RING1: variants seen among roughly 807,000 people sequenced by gnomAD.
RING1 encodes E3 ubiquitin-protein ligase RING1.
A neutral mutation model predicts 35.0 loss-of-function variants in RING1; 8 were observed. That is an observed-to-expected ratio of 0.23 (90% confidence interval 0.13 to 0.41). The LOEUF (loss-of-function observed/expected upper bound fraction) is 0.41. Among genes scored for constraint, RING1 ranks in the 10% least tolerant of loss-of-function variants. The pLI is 1.00. For missense variants in RING1, 343 were observed against 546.8 expected (o/e 0.63, Z 3.72); for synonymous variants, 214 against 224.3 (o/e 0.95, Z 0.41).
In RING1 at chr6:33,210,013, G is replaced by A; in HGVS notation, c.338G>A (p.Ser113Asn). ...FDALISKIYP[S>N]REEYEAHQDR... ...GCCCTGATCTCTAAGATCTATCCTA[G>A]CCGGGAGGAATACGAGGCCCATCAA... Residue 113 changes from serine (S) to asparagine (N), a missense_variant, in exon 4 of 7, where the codon AGC becomes AAC. Physicochemically the swap from Ser to Asn is conservative, Grantham distance 46. This residue lies in a region of RING1 where 65 missense variants were observed against 163.3 expected (regional missense o/e 0.40). Transcript: ENST00000374656. The A allele has an allele frequency of 1.2e-6, 2 of 1,614,210 alleles. No homozygotes were observed. The highest frequency in any genetic ancestry group is 1.7e-6 in the Non-Finnish European group (2 of 1,180,046).
At position 33,211,623 on chromosome 6, in the gene RING1, CA is replaced by C; in HGVS notation, c.845+79del. The C allele has an allele frequency of 6.4e-7, 1 of 1,566,254 alleles. No individual in the cohort carries two copies. Among genetic ancestry groups the C allele is most frequent in the Non-Finnish European group, 8.6e-7 (1 of 1,160,696 alleles). On this transcript the variant is annotated intron_variant, in intron 5 of 6. Transcript: ENST00000374656. This position sits in a 1 kb window ranked among gnomAD's most constrained non-coding sequence, Gnocchi z 6.3. The stretch of plus-strand genomic sequence containing the variant: ...ATTTCCATCAGAAGTGGGCTTTGCC[CA>C]AACCCAAAATACCACCCCAACCCAG...
In RING1 at chr6:33,212,674, C is replaced by T. The variant is rs1775633949; in HGVS notation, c.*275C>T. 2.8e-6 allele frequency: 1 copy of T among 357,980 alleles called. No individual in the cohort carries two copies. Among genetic ancestry groups the T allele is most frequent in the South Asian group, 1.2e-4 (1 of 8,548 alleles). 22.2% of individuals were successfully genotyped at this position (357,980 alleles called of 1,614,324 possible). A position where few individuals can be genotyped will look rare whatever the true frequency, so the allele number is the denominator to read the frequency against. On this transcript the variant is annotated 3_prime_UTR_variant, in exon 7 of 7. Transcript: ENST00000374656. The stretch of plus-strand genomic sequence containing the variant: ...AGAAGGTGAAGAACCCTCCCATTCA[C>T]GCCCGCCTACCAACAACAAACGTGC...
chr6:33,209,094 G>T lies in RING1; in HGVS notation c.78+194G>T. 2 of 705,046 alleles carry T rather than the reference G, an allele frequency of 2.8e-6. No homozygotes were observed. Among genetic ancestry groups the T allele is most frequent in the Non-Finnish European group, 5.2e-6 (2 of 385,750 alleles). The allele number at this position is 705,046 out of a possible 1,614,324, so 43.7% of individuals were successfully genotyped here. ...CTCAAAACAGCCCTGCCAGAGAGGT[G>T]GAACAAGTATTATTATCTTCATTTG... On this transcript the variant is annotated intron_variant, in intron 2 of 6. Transcript: ENST00000374656. The surrounding 1 kb of genome is among the most constrained non-coding windows in gnomAD (Gnocchi z 5.1).
rs1379540048 is a variant in RING1, at chr6:33,211,432, C to G, written c.730C>G (p.Leu244Val). 2 of 1,576,562 alleles carry G rather than the reference C, an allele frequency of 1.3e-6. No homozygotes were observed. Among genetic ancestry groups the G allele is most frequent in the Non-Finnish European group, 1.7e-6 (2 of 1,161,176 alleles). ...DRGGTLGGGT[L>V]GPPSPPGAPS... is the part of the protein sequence containing the mutation. Reference sequence around the variant, plus strand: ...GGGAGGGACTCTGGGAGGGGGAACGCTGGGCCCCCCAAGCCCTCCTGGGGC... The same window carrying G: ...GGGAGGGACTCTGGGAGGGGGAACGGTGGGCCCCCCAAGCCCTCCTGGGGC... Residue 244 changes from leucine (L) to valine (V), a missense_variant, in exon 5 of 7, where the codon CTG becomes GTG. Physicochemically the swap from Leu to Val is conservative, Grantham distance 32. Transcript: ENST00000374656. This position sits in a 1 kb window ranked among gnomAD's most constrained non-coding sequence, Gnocchi z 6.3.
rs1775370530 is a variant in RING1, at chr6:33,209,261, C to T, written c.78+361C>T. 3 of 563,448 alleles carry T rather than the reference C, an allele frequency of 5.3e-6. No homozygotes were observed. The highest frequency in any genetic ancestry group is 9.6e-6 in the Non-Finnish European group (3 of 313,182). 34.9% of individuals were successfully genotyped at this position (563,448 alleles called of 1,614,324 possible). A position where few individuals can be genotyped will look rare whatever the true frequency, so the allele number is the denominator to read the frequency against. On this transcript the variant is annotated intron_variant, in intron 2 of 6. Coordinates refer to ENST00000374656, the MANE Select transcript of RING1 (RefSeq NM_002931.4). The surrounding 1 kb of genome is among the most constrained non-coding windows in gnomAD (Gnocchi z 5.1). ...CTGATTCAGTAGTGAATTGGGTTCT[C>T]AGAATCTGAATTTTTAACAGGCACC...
chr6:33,212,197 C>A, intron 6 of RING1, 101 bp from the exon 7 acceptor site: 1 of 940,674 alleles, frequency 1.1e-6, no homozygotes, highest in South Asian at 1.5e-5. Flanking sequence ...TTTTTTCTTT[C>A]CTCCTCCCTT....
At position 33,211,262 on chromosome 6, in the gene RING1, G is replaced by C. The variant is rs779473339; in HGVS notation, c.560G>C (p.Ser187Thr). The C allele has an allele frequency of 2.5e-6, 4 of 1,612,832 alleles. No homozygotes were observed. The highest frequency in any genetic ancestry group is 3.4e-6 in the Non-Finnish European group (4 of 1,179,932). ...GEGEGDGEDV[S>T]SDSAPDSAPG... ...GGAGAAGGGGATGGAGAAGATGTGA[G>C]CTCAGACTCCGCCCCTGACTCTGCC... is the stretch of plus-strand genomic sequence containing the variant. Residue 187 changes from serine (S) to threonine (T), a missense_variant, in exon 5 of 7, where the codon AGC becomes ACC. Ser to Thr is a moderately conservative substitution (Grantham distance 58). Around this residue, in one of 2 missense-constraint regions of RING1, gnomAD observed 278 missense variants for 383.5 expected, o/e 0.72. Coordinates refer to ENST00000374656, the MANE Select transcript of RING1 (RefSeq NM_002931.4). This position sits in a 1 kb window ranked among gnomAD's most constrained non-coding sequence, Gnocchi z 6.3.
At position 33,209,656 on chromosome 6, in the gene RING1, G is replaced by A. The variant is rs1363585863; in HGVS notation, c.109G>A (p.Val37Ile). ...EAIMDGTEIA[V>I]SPRSLHSELM... ...CATAATGGATGGCACAGAGATTGCT[G>A]TTTCCCCTCGGTCACTGCATTCAGA... The change falls in exon 3 of 7, where the codon GTT (valine) becomes ATT (isoleucine). Residue 37 changes from valine (V) to isoleucine (I), a missense_variant. Around this residue, in one of 2 missense-constraint regions of RING1, gnomAD observed 65 missense variants for 163.3 expected, o/e 0.40. Coordinates refer to ENST00000374656, the MANE Select transcript of RING1 (RefSeq NM_002931.4). The surrounding 1 kb of genome is among the most constrained non-coding windows in gnomAD (Gnocchi z 5.1). 15 of 1,612,928 alleles carry A rather than the reference G, an allele frequency of 9.3e-6. No homozygotes were observed. Among genetic ancestry groups the A allele is most frequent in the African/African-American group, 2.7e-5 (2 of 74,924 alleles).
chr6:33,209,087 G>C lies in RING1; in HGVS notation c.78+187G>C, dbSNP rs553966146. 23 of 707,316 alleles carry C rather than the reference G, an allele frequency of 3.3e-5. No individual in the cohort carries two copies. The highest frequency in any genetic ancestry group is 5.2e-5 in the Non-Finnish European group (20 of 386,680). 43.8% of individuals were successfully genotyped at this position (707,316 alleles called of 1,614,324 possible). A position where few individuals can be genotyped will look rare whatever the true frequency, so the allele number is the denominator to read the frequency against. On this transcript the variant is annotated intron_variant, in intron 2 of 6. Coordinates refer to ENST00000374656, the MANE Select transcript of RING1 (RefSeq NM_002931.4). The surrounding 1 kb of genome is among the most constrained non-coding windows in gnomAD (Gnocchi z 5.1). ...TTTAATCCTCAAAACAGCCCTGCCAGAGAGGTGGAACAAGTATTATTATCT... is the reference window on the plus strand; with the variant it reads ...TTTAATCCTCAAAACAGCCCTGCCACAGAGGTGGAACAAGTATTATTATCT...
intron 6 of RING1, 136 bp downstream of exon 6, chr6:33,212,138 C>T: frequency 9.3e-6 from 8 of 858,834 alleles, no homozygotes; most frequent in Non-Finnish European, 1.5e-5. Flanking sequence ...TGTCCCCTCT[C>T]CTTTCCCATC....
intron 4 of RING1, 98 bp downstream of exon 4, chr6:33,210,228 C>T: frequency 9.4e-7 from 1 of 1,065,608 alleles, no homozygotes; most frequent in Non-Finnish European, 1.4e-6. Context: ...TAGGAGCTGA[C>T]CACAGACTGA....
chr6:33,211,927 T>G lies in RING1; in HGVS notation c.1044T>G (p.Pro348=). Residue 348 remains proline, a synonymous_variant, in exon 6 of 7, where the codon CCT becomes CCG. Transcript: ENST00000374656. The surrounding 1 kb of genome is among the most constrained non-coding windows in gnomAD (Gnocchi z 6.3). The part of the protein sequence containing the change: ...GAGGGDGPEE[P]ALPSLEGVSE... The stretch of plus-strand genomic sequence containing the variant: ...GAGGAGGTGACGGTCCTGAGGAGCC[T>G]GCTTTGCCCAGCCTGGAGGGCGTCA... 6.3e-7 allele frequency: 1 copy of G among 1,597,064 alleles called. No homozygotes were observed. Among genetic ancestry groups the G allele is most frequent in the East Asian group, 2.3e-5 (1 of 44,018 alleles).
At chr6:33,210,364 G>A (rs898628627) in intron 4 of RING1, among the ~76,000 whole-genome samples, 2 of 152,166 alleles carry the variant, frequency 1.3e-5, no homozygotes, top group African/African-American at 2.4e-5. Flanking sequence ...ACTTTGGGAG[G>A]TGAGGATGGG....
In RING1 at chr6:33,209,051, C is replaced by A. The variant is rs539256609; in HGVS notation, c.78+151C>A. 3 of 730,878 alleles carry A rather than the reference C, an allele frequency of 4.1e-6. No individual in the cohort carries two copies. The South Asian group carries it at 4.4e-5, about 11-fold the overall frequency. The allele number at this position is 730,878 out of a possible 1,614,324, so 45.3% of individuals were successfully genotyped here. A position where few individuals can be genotyped will look rare whatever the true frequency, so the allele number is the denominator to read the frequency against. ...CCTTAATCTTTCCAAAGCACTTTCGCATTTAGCTCATTTAATCCTCAAAAC... is the reference window on the plus strand; with the variant it reads ...CCTTAATCTTTCCAAAGCACTTTCGAATTTAGCTCATTTAATCCTCAAAAC... On this transcript the variant is annotated intron_variant, in intron 2 of 6. Transcript: ENST00000374656. The surrounding 1 kb of genome is among the most constrained non-coding windows in gnomAD (Gnocchi z 5.1).
intron 6 of RING1, 57 bp downstream of exon 6, chr6:33,212,059 C>A: frequency 7.5e-7 from 1 of 1,336,878 alleles, no homozygotes; most frequent in South Asian, 1.5e-5. Flanking sequence ...GTGGTCTGGG[C>A]CACATAGAAC....
At position 33,211,900 on chromosome 6, in the gene RING1, C is replaced by G. The variant is rs201600661; in HGVS notation, c.1017C>G (p.Ala339=). The change falls in exon 6 of 7, where the codon GCC becomes GCG. Residue 339 remains alanine, a synonymous_variant. Transcript: ENST00000374656. The surrounding 1 kb of genome is among the most constrained non-coding windows in gnomAD (Gnocchi z 6.3). ...GGTGTGGCGGGGAGGGTGGGGGTGCCGGAGGAGGTGACGGTCCTGAGGAGC... is the reference window on the plus strand; with the variant it reads ...GGTGTGGCGGGGAGGGTGGGGGTGCGGGAGGAGGTGACGGTCCTGAGGAGC... The part of the protein sequence containing the change: ...PDGCGGEGGG[A]GGGDGPEEPA... 2.5e-4 allele frequency: 406 copies of G among 1,603,642 alleles called. No individual in the cohort carries two copies. The highest frequency in any genetic ancestry group is 2.8e-4 in the Non-Finnish European group (329 of 1,175,430).
chr6:33,208,751 C>T lies in RING1; in HGVS notation c.-58-14C>T, dbSNP rs1202230817. On this transcript the variant is annotated splice_polypyrimidine_tract_variant and intron_variant, in intron 1 of 6. Transcript: ENST00000374656. The surrounding 1 kb of genome is among the most constrained non-coding windows in gnomAD (Gnocchi z 6.2). ...GCCCCCCTGACGCCCTCCTCCCCTT[C>T]CCCCCACCCCCAGCCTTCTTCGCCT... is the stretch of plus-strand genomic sequence containing the variant. 3.3e-6 allele frequency: 4 copies of T among 1,206,982 alleles called. No homozygotes were observed. Among genetic ancestry groups the T allele is most frequent in the South Asian group, 1.6e-5 (1 of 63,200 alleles). The allele number at this position is 1,206,982 out of a possible 1,614,324, so 74.8% of individuals were successfully genotyped here.
rs975594200 is a variant in RING1, at chr6:33,208,848, A to G, written c.26A>G (p.Asn9Ser). 8.7e-6 allele frequency: 14 copies of G among 1,609,066 alleles called. No homozygotes were observed. Among genetic ancestry groups the G allele is most frequent in the Non-Finnish European group, 1.2e-5 (14 of 1,176,962 alleles). ...ATGACGACGCCGGCGAATGCCCAGA[A>G]TGCCAGCAAAACGTGGGAACTGAGT... MTTPANAQ[N>S]ASKTWELSLY... Residue 9 changes from asparagine (N) to serine (S), a missense_variant, in exon 2 of 7, where the codon AAT becomes AGT. Asn to Ser is a conservative substitution (Grantham distance 46). Coordinates refer to ENST00000374656, the MANE Select transcript of RING1 (RefSeq NM_002931.4). The surrounding 1 kb of genome is among the most constrained non-coding windows in gnomAD (Gnocchi z 6.2).
chr6:33,209,091 G>T lies in RING1; in HGVS notation c.78+191G>T. The T allele has an allele frequency of 1.4e-6, 1 of 705,704 alleles. No homozygotes were observed. Among genetic ancestry groups the T allele is most frequent in the Non-Finnish European group, 2.6e-6 (1 of 386,018 alleles). 43.7% of individuals were successfully genotyped at this position (705,704 alleles called of 1,614,324 possible). On this transcript the variant is annotated intron_variant, in intron 2 of 6. Transcript: ENST00000374656. The surrounding 1 kb of genome is among the most constrained non-coding windows in gnomAD (Gnocchi z 5.1). ...ATCCTCAAAACAGCCCTGCCAGAGA[G>T]GTGGAACAAGTATTATTATCTTCAT... is the stretch of plus-strand genomic sequence containing the variant.
Sources: allele counts gnomAD v4.1 joint callset (sites outside exome capture counted in the v4.1 genomes callset), GRCh38; gene constraint gnomAD v4.1.1; regional missense constraint gnomAD v4.1.1; non-coding constraint Gnocchi (gnomAD v3.1); transcripts MANE v1.5; gene names NCBI Gene and HGNC (gene_info 2026-07-23, HGNC 2026-07-21).